The following OPCML variants were observed in gnomAD, a reference collection of about 807,000 sequenced individuals.
OPCML encodes opioid-binding protein/cell adhesion molecule.
OPCML carries 13 observed loss-of-function variants against 37.8 expected under a neutral mutation model. That is an observed-to-expected ratio of 0.34 (90% CI 0.22 to 0.55). The LOEUF is 0.55. OPCML is among the 20% of genes least tolerant of loss of function. The pLI, the probability that OPCML is intolerant of heterozygous loss-of-function variation, is 0.91. For synonymous variants in OPCML, 176 were observed against 168.8 expected, an observed-to-expected ratio of 1.04 and a Z score of -0.33; for missense variants, 341 against 435.6, an observed-to-expected ratio of 0.78 and a Z score of 1.93.
chr11:133,400,348 G>A (rs1395717610), intron 1 of OPCML, among the ~76,000 whole-genome samples: 1 of 152,182 alleles, frequency 6.6e-6, no homozygotes, highest in African/African-American at 2.4e-5. Flanking sequence ...CAGGGAGATA[G>A]TTTACTCAGC....
chr11:133,079,679 C>T (rs1948678428), intron 1 of OPCML, among the ~76,000 whole-genome samples: 1 of 151,958 alleles, frequency 6.6e-6, no homozygotes, highest in Non-Finnish European at 1.5e-5. Flanking sequence ...ACCGTGTGAC[C>T]TCACAAATTC....
intron 3 of OPCML, among the ~76,000 whole-genome samples, chr11:132,548,051 A>G (rs1164885668): frequency 1.3e-5 from 2 of 152,192 alleles, no homozygotes; most frequent in Non-Finnish European, 2.9e-5. Flanking sequence ...AAGCAGAAAC[A>G]GCATTTGGGA....
At chr11:132,890,796 G>C (rs1033413378) in intron 2 of OPCML, among the ~76,000 whole-genome samples, 41 of 148,010 alleles carry the variant, frequency 2.8e-4, no homozygotes, top group African/African-American at 9.8e-4. Flanking sequence ...AGCAGAGCTT[G>C]CAGTGAGCCG....
chr11:133,265,223 T>C (rs375031088), intron 1 of OPCML, among the ~76,000 whole-genome samples: 12 of 152,264 alleles, frequency 7.9e-5, no homozygotes, highest in Admixed American at 4.6e-4. Flanking sequence ...TTGGACTAAC[T>C]TGGAGGTTCA....
intron 1 of OPCML, among the ~76,000 whole-genome samples, chr11:133,218,975 C>T (rs1223131889): frequency 6.6e-6 from 1 of 152,142 alleles, no homozygotes; most frequent in African/African-American, 2.4e-5. Context: ...TGAATTTGTG[C>T]TTGCTTTTAT....
At position 133,374,911 on chromosome 11, in the gene OPCML, C is replaced by T. The variant is rs550087192; in HGVS notation, c.61+157353G>A. Among the ~76,000 whole-genome samples the T allele has an allele frequency of 2.0e-5, 3 of 152,260 alleles. No individual in the cohort carries two copies. In the East Asian group the frequency reaches 5.8e-4, roughly 29 times the overall value. Reference sequence around the variant, plus strand: ...GCGGCAGCTGAGAGTGTCGCTGAGGCGTCACTTTATGTGTAAGACTCAATT... The same window carrying T: ...GCGGCAGCTGAGAGTGTCGCTGAGGTGTCACTTTATGTGTAAGACTCAATT... On this transcript the variant is annotated intron_variant, in intron 1 of 7. Transcript: ENST00000524381.
At chr11:133,497,263 C>G (rs1947806123) in intron 1 of OPCML, among the ~76,000 whole-genome samples, 1 of 152,116 alleles carries the variant, frequency 6.6e-6, no homozygotes, top group Non-Finnish European at 1.5e-5. Context: ...GCCTTTTCTT[C>G]AAGCTCTGAA....
At chr11:133,167,555 G>C (rs150814758) in intron 1 of OPCML, among the ~76,000 whole-genome samples, 52 of 149,734 alleles carry the variant, frequency 3.5e-4, no homozygotes, top group African/African-American at 1.2e-3. Context: ...GTTATGGATA[G>C]CTCAAGTTTT....
At chr11:133,290,078 C>T (rs1434931398) in intron 1 of OPCML, among the ~76,000 whole-genome samples, 1 of 152,174 alleles carries the variant, frequency 6.6e-6, no homozygotes, top group Admixed American at 6.5e-5. Context: ...CTCAAATCTC[C>T]TCAAATTCCA....
chr11:133,048,503 C>A (rs1272150469), intron 1 of OPCML, among the ~76,000 whole-genome samples: 1 of 152,152 alleles, frequency 6.6e-6, no homozygotes, highest in East Asian at 1.9e-4. Context: ...CAGAGAGCAC[C>A]TACTGGATAA....
intron 4 of OPCML, among the ~76,000 whole-genome samples, chr11:132,454,830 T>C (rs1360797702): frequency 3.3e-5 from 5 of 152,186 alleles, no homozygotes; most frequent in Non-Finnish European, 7.4e-5. Flanking sequence ...ACAGCCAGTA[T>C]GCACACCCCC....
chr11:132,865,521 C>T (rs1942500193), intron 2 of OPCML, among the ~76,000 whole-genome samples: 1 of 152,198 alleles, frequency 6.6e-6, no homozygotes, highest in African/African-American at 2.4e-5. Flanking sequence ...AGCATTTAAA[C>T]AGCATCATGT....
At chr11:132,594,151 G>A (rs1343042740) in intron 3 of OPCML, among the ~76,000 whole-genome samples, 1 of 152,190 alleles carries the variant, frequency 6.6e-6, no homozygotes, top group Non-Finnish European at 1.5e-5. Flanking sequence ...GGGGCTGTGA[G>A]TAAATGCAAA....
chr11:132,479,753 C>A (rs1449145031), intron 4 of OPCML, among the ~76,000 whole-genome samples: 3 of 152,290 alleles, frequency 2.0e-5, no homozygotes, highest in Admixed American at 6.5e-5. Flanking sequence ...AGGCACCCCC[C>A]AGCAGGGGCA....
intron 1 of OPCML, among the ~76,000 whole-genome samples, chr11:133,150,582 C>T (rs1009650438): frequency 1.3e-5 from 2 of 152,188 alleles, no homozygotes; most frequent in African/African-American, 2.4e-5. Context: ...GCCTTGGCCC[C>T]TTACTGTCCT....
intron 1 of OPCML, among the ~76,000 whole-genome samples, chr11:133,098,665 A>C (rs1949041039): frequency 6.6e-6 from 1 of 152,206 alleles, no homozygotes; most frequent in Non-Finnish European, 1.5e-5. Context: ...AATAGGAAGA[A>C]AATTTTAAAA....
intron 2 of OPCML, among the ~76,000 whole-genome samples, chr11:132,850,648 G>A (rs1941769650): frequency 6.6e-6 from 1 of 152,060 alleles, no homozygotes; most frequent in South Asian, 2.1e-4. Context: ...GTTATTTTTT[G>A]AGGAGTCAGA....
intron 1 of OPCML, among the ~76,000 whole-genome samples, chr11:133,085,839 A>G (rs1016332067): frequency 2.0e-4 from 30 of 152,270 alleles, no homozygotes; most frequent in African/African-American, 7.0e-4. Flanking sequence ...AGAATGAATT[A>G]TAAAAGTAGA....
In OPCML at chr11:132,741,792, C is replaced by T. The variant is rs143554869; in HGVS notation, c.147-84473G>A. Among the ~76,000 whole-genome samples the T allele has an allele frequency of 6.4e-3, 967 of 151,918 alleles. 8 individuals are homozygous for T. The highest frequency in any genetic ancestry group is 0.022 in the African/African-American group (899 of 41,442). On this transcript the variant is annotated intron_variant, in intron 2 of 7. Coordinates refer to ENST00000524381, the MANE Select transcript of OPCML (RefSeq NM_001012393.5). ...ATGTAATCCCAGCACTTTGGGAGGC[C>T]GAGGCAAGCAGATCACCTGAGCTCC...
Sources: allele counts gnomAD v4.1 joint callset (sites outside exome capture counted in the v4.1 genomes callset), GRCh38; gene constraint gnomAD v4.1.1; transcripts MANE v1.5; gene names NCBI Gene and HGNC (gene_info 2026-07-23, HGNC 2026-07-21).